The following XRCC2 variants were observed in gnomAD, a reference collection of about 807,000 sequenced individuals.
XRCC2 encodes the protein DNA repair protein XRCC2.
A neutral mutation model predicts 27.3 loss-of-function variants in XRCC2; 24 were observed. The observed-to-expected ratio is 0.88, with a 90% CI of 0.64 to 1.24. XRCC2 has a LOEUF of 1.24. Among genes scored for constraint, XRCC2 ranks in the 50% most tolerant of loss-of-function variants. XRCC2 has a pLI of 0.00. For synonymous variants in XRCC2, 106 were observed against 115.4 expected (o/e 0.92, Z 0.52); for missense variants, 321 against 325.8 (o/e 0.99, Z 0.11).
At chr7:152,674,203 T>C (rs1481084832) in intron 1 of XRCC2, among the ~76,000 whole-genome samples, 1 of 152,214 alleles carries the variant, frequency 6.6e-6, no homozygotes, top group East Asian at 1.9e-4. Flanking sequence ...GCAAAGGATA[T>C]GATGTTAAAT....
chr7:152,663,776 C>T (rs1449889237), intron 1 of XRCC2, among the ~76,000 whole-genome samples: 1 of 152,052 alleles, frequency 6.6e-6, no homozygotes, highest in African/African-American at 2.4e-5. Context: ...GAGGTCGAGG[C>T]TGCAGTGAGT....
In XRCC2 at chr7:152,650,961, A is replaced by G. The variant is rs139490842; in HGVS notation, c.122-1598T>C. On this transcript the variant is annotated intron_variant, in intron 2 of 2. Coordinates refer to ENST00000359321, the MANE Select transcript of XRCC2 (RefSeq NM_005431.2). Reference sequence around the variant, plus strand: ...TATTTAATTTTAATTTTTTTTTGAGATGGAGTCTTGTTCTGTTGCCTAGGC... The same window carrying G: ...TATTTAATTTTAATTTTTTTTTGAGGTGGAGTCTTGTTCTGTTGCCTAGGC... Among the ~76,000 whole-genome samples, 6 of 152,104 alleles carry G rather than the reference A, an allele frequency of 3.9e-5. No individual in the cohort carries two copies. In the East Asian group the frequency reaches 9.7e-4, roughly 25 times the overall value.
chr7:152,649,762 C>T (rs2098027718), intron 2 of XRCC2, among the ~76,000 whole-genome samples: 1 of 152,252 alleles, frequency 6.6e-6, no homozygotes, highest in East Asian at 1.9e-4. Context: ...GAAATGTGTC[C>T]ACTTTAAAAC....
intron 1 of XRCC2, among the ~76,000 whole-genome samples, chr7:152,668,485 G>A (rs1289875189): frequency 6.6e-6 from 1 of 152,130 alleles, no homozygotes; most frequent in Non-Finnish European, 1.5e-5. Flanking sequence ...ATAGAAGCAA[G>A]GTATGGTCAA....
rs748238624 is a variant in XRCC2 at position 152,660,794 on chromosome 7, A to G, written c.40-12T>C. 2 of 1,590,100 alleles carry G rather than the reference A, an allele frequency of 1.3e-6. No individual in the cohort carries two copies. Among genetic ancestry groups the G allele is most frequent in the Non-Finnish European group, 1.7e-6 (2 of 1,165,822 alleles). ...AGTCGGGCAAGGAGCTTATAAAAGA[A>G]GAGAGAAGGAAAACTCATTATTTAA... On this transcript the variant is annotated splice_polypyrimidine_tract_variant and intron_variant, in intron 1 of 2. Transcript: ENST00000359321.
chr7:152,660,866 C>A, intron 1 of XRCC2, 84 bp from the exon 2 acceptor site: 1 of 1,229,030 alleles, frequency 8.1e-7, no homozygotes, highest in Non-Finnish European at 1.1e-6. Flanking sequence ...TTCCGAAAGT[C>A]TGTAAGATTT....
At chr7:152,653,761 C>T (rs1333873078) in intron 2 of XRCC2, among the ~76,000 whole-genome samples, 1 of 152,118 alleles carries the variant, frequency 6.6e-6, no homozygotes, top group Non-Finnish European at 1.5e-5. Context: ...CACACCCAAC[C>T]CAAAGTAGAA....
chr7:152,674,704 T>A (rs1181924096), intron 1 of XRCC2, among the ~76,000 whole-genome samples: 1 of 93,498 alleles, frequency 1.1e-5, no homozygotes, highest in African/African-American at 5.2e-5. Context: ...TAAATATATA[T>A]TTATATAATA....
chr7:152,650,881 C>T (rs774673961), intron 2 of XRCC2, among the ~76,000 whole-genome samples: 73 of 151,974 alleles, frequency 4.8e-4, no homozygotes, highest in Non-Finnish European at 8.2e-4. Flanking sequence ...AGCGAAACTC[C>T]GTCTCAAAAA....
At chr7:152,661,142 AT>A (rs548113925) in intron 1 of XRCC2, among the ~76,000 whole-genome samples, 2 of 152,126 alleles carry the variant, frequency 1.3e-5, no homozygotes, top group African/African-American at 4.8e-5. Flanking sequence ...CTCAAAAAAA[AT>A]TTTTTTCATA....
intron 1 of XRCC2, among the ~76,000 whole-genome samples, chr7:152,675,643 G>A (rs969076663): frequency 6.6e-6 from 1 of 152,176 alleles, no homozygotes; most frequent in African/African-American, 2.4e-5. Flanking sequence ...ATGCTCCAAC[G>A]GGCGACCCCT....
chr7:152,657,110 C>G (rs2116995954), intron 2 of XRCC2, among the ~76,000 whole-genome samples: 1 of 151,538 alleles, frequency 6.6e-6, no homozygotes, highest in Non-Finnish European at 1.5e-5. Context: ...GTAGCACACA[C>G]CTGTAGTCCC....
At chr7:152,652,420 A>T (rs148467114) in intron 2 of XRCC2, among the ~76,000 whole-genome samples, 2 of 152,194 alleles carry the variant, frequency 1.3e-5, no homozygotes, top group Non-Finnish European at 2.9e-5. Context: ...ACCAAGAAGC[A>T]GACCACAGCA....
At chr7:152,674,712 ATATATTTTT>A (rs1207852562) in intron 1 of XRCC2, among the ~76,000 whole-genome samples, 1 of 60,736 alleles carries the variant, frequency 1.6e-5, no homozygotes, top group African/African-American at 1.2e-4. Flanking sequence ...TATTTATATA[ATATATTTTT>A]AAATATATAT....
rs1222034310 is a variant in XRCC2, at chr7:152,645,933, A to G, written c.*2709T>C. Reference sequence around the variant, plus strand: ...TGTCTCTAAAAATAAAACAGCAAATATGTATTTTAAAAACCAGCCTAAAAC... The same window carrying G: ...TGTCTCTAAAAATAAAACAGCAAATGTGTATTTTAAAAACCAGCCTAAAAC... On this transcript the variant is annotated 3_prime_UTR_variant, in exon 3 of 3. Coordinates refer to ENST00000359321, the MANE Select transcript of XRCC2 (RefSeq NM_005431.2). 1 of 152,184 alleles carries G rather than the reference A, an allele frequency of 6.6e-6. No homozygotes were observed. The highest frequency in any genetic ancestry group is 1.5e-5 in the Non-Finnish European group (1 of 68,044). 9.4% of individuals were successfully genotyped at this position (152,184 alleles called of 1,614,324 possible).
chr7:152,649,002 ATTGACGCGG>A lies in XRCC2; in HGVS notation c.474_482del (p.Arg159_Asn161del). 1 of 1,614,212 alleles carries A rather than the reference ATTGACGCGG, an allele frequency of 6.2e-7. No individual in the cohort carries two copies. Among genetic ancestry groups the A allele is most frequent in the Non-Finnish European group, 8.5e-7 (1 of 1,180,044 alleles). ...CCTGTAAGTTCACACTTTCTCCTCC[ATTGACGCGG>A]TCTATCCAGTAAAAAGCTGACAGGC... On this transcript the variant is annotated inframe_deletion, in exon 3 of 3. Transcript: ENST00000359321.
At chr7:152,662,056 C>T (rs2098033345) in intron 1 of XRCC2, among the ~76,000 whole-genome samples, 1 of 152,130 alleles carries the variant, frequency 6.6e-6, no homozygotes, top group Non-Finnish European at 1.5e-5. Context: ...CCTCTGCCTT[C>T]TGGGCTCAAG....
At chr7:152,662,527 A>C (rs1406304659) in intron 1 of XRCC2, among the ~76,000 whole-genome samples, 2 of 151,142 alleles carry the variant, frequency 1.3e-5, no homozygotes, top group Admixed American at 6.6e-5. Flanking sequence ...AGAAAAAAAA[A>C]TCTATCACAA....
intron 1 of XRCC2, among the ~76,000 whole-genome samples, chr7:152,663,346 T>TTAAAAA (rs1563031328): frequency 2.5e-5 from 2 of 80,898 alleles, no homozygotes; most frequent in South Asian, 8.7e-4. Flanking sequence ...GTCTTTGAAG[T>TTAAAAA]AAAAAAAAAA....
Sources: allele counts gnomAD v4.1 joint callset (sites outside exome capture counted in the v4.1 genomes callset), GRCh38; gene constraint gnomAD v4.1.1; transcripts MANE v1.5; gene names NCBI Gene and HGNC (gene_info 2026-07-23, HGNC 2026-07-21).